Variants in PHEX observed in about 807,000 individuals in gnomAD.
The protein encoded by PHEX is phosphate regulating endopeptidase X-linked, also known as phosphate-regulating neutral endopeptidase PHEX.
Under a neutral mutation model 68.0 loss-of-function variants are expected in PHEX, and 16 were observed. That is an observed-to-expected ratio of 0.24 (90% CI 0.16 to 0.36). PHEX has a LOEUF of 0.36. Among genes scored for constraint, PHEX ranks in the 10% least tolerant of loss-of-function variants. The pLI is 1.00. For synonymous variants in PHEX, 208 were observed against 205.1 expected (o/e 1.01, Z -0.12); for missense variants, 480 against 575.5 (o/e 0.83, Z 1.70).
chrX:22,232,596 CTTTTTTTTTTT>C lies in PHEX; in HGVS notation c.2070+5005_2070+5015del, dbSNP rs745474280. Reference sequence around the variant, plus strand: ...TCAGAGATTAGGATTGCCACTTCTGCTTTTTTTTTTTTTTTTTTTTTTTTTTTTTTGCTTTC... The same window carrying C: ...TCAGAGATTAGGATTGCCACTTCTGCTTTTTTTTTTTTTTTTTTTGCTTTC... On this transcript the variant is annotated intron_variant, in intron 20 of 21. Transcript: ENST00000379374. Among the ~76,000 whole-genome samples the C allele has an allele frequency of 4.8e-3, 89 of 18,545 alleles. 1 individual carries two copies. Among genetic ancestry groups the C allele is most frequent in the East Asian group, 7.3e-3 (4 of 550 alleles). 16.1% of individuals were successfully genotyped at this position (18,545 alleles called of 115,157 possible). A position where few individuals can be genotyped will look rare whatever the true frequency, so the allele number is the denominator to read the frequency against.
intron 14 of PHEX, among the ~76,000 whole-genome samples, chrX:22,187,035 T>C (rs1420089881): frequency 8.9e-6 from 1 of 112,104 alleles, no homozygotes; most frequent in African/African-American, 3.2e-5. Flanking sequence ...AAATGTTGGG[T>C]TCTTTGGATA....
At chrX:22,137,731 G>A (rs1316412490) in intron 12 of PHEX, among the ~76,000 whole-genome samples, 1 of 111,487 alleles carries the variant, frequency 9.0e-6, no homozygotes, top group Non-Finnish European at 1.9e-5. Flanking sequence ...AGTGCCTTGT[G>A]TTTTACCTGG....
chrX:22,183,078 AT>A (rs1209087992), intron 14 of PHEX, among the ~76,000 whole-genome samples: 23 of 107,579 alleles, frequency 2.1e-4, no homozygotes, highest in African/African-American at 5.0e-4. Flanking sequence ...ATGGATTACA[AT>A]TTTTTTTTTC....
intron 15 of PHEX, among the ~76,000 whole-genome samples, chrX:22,197,260 T>C (rs1934396836): frequency 9.0e-6 from 1 of 111,091 alleles, no homozygotes; most frequent in Non-Finnish European, 1.9e-5. Context: ...TTCAAGTGAA[T>C]TTTCAAGGCC....
At chrX:22,069,774 T>C (rs1377701999) in intron 3 of PHEX, among the ~76,000 whole-genome samples, 1 of 111,890 alleles carries the variant, frequency 8.9e-6, no homozygotes, top group Non-Finnish European at 1.9e-5. Flanking sequence ...GTTAATCCCA[T>C]GCTTGACTGG....
At chrX:22,047,817 G>A (rs1322526142) in intron 3 of PHEX, among the ~76,000 whole-genome samples, 1 of 111,955 alleles carries the variant, frequency 8.9e-6, no homozygotes, top group Non-Finnish European at 1.9e-5. Flanking sequence ...AGTTGGAAAT[G>A]TCTGTTATTG....
intron 9 of PHEX, among the ~76,000 whole-genome samples, chrX:22,104,368 G>C (rs1168581732): frequency 9.1e-6 from 1 of 110,087 alleles, no homozygotes; most frequent in Non-Finnish European, 1.9e-5. Context: ...AGTCCAAGGG[G>C]GTAGGTGGCC....
chrX:22,208,250 G>T (rs1391558757), intron 15 of PHEX, among the ~76,000 whole-genome samples: 1 of 111,184 alleles, frequency 9.0e-6, no homozygotes, highest in African/African-American at 3.3e-5. Context: ...AGACTTTTAA[G>T]GAATTTACAT....
At chrX:22,216,510 TATTTATTTATTTA>T (rs1369071680) in intron 16 of PHEX, among the ~76,000 whole-genome samples, 10 of 106,881 alleles carry the variant, frequency 9.4e-5, no homozygotes, top group African/African-American at 3.4e-4. Context: ...TTTATTTATT[TATTTATTTATTTA>T]TTTATTTATT....
At chrX:22,228,429 C>G (rs1436910363) in intron 20 of PHEX, among the ~76,000 whole-genome samples, 1 of 112,053 alleles carries the variant, frequency 8.9e-6, no homozygotes. Context: ...TAAGCTCATT[C>G]TCACACGAGT....
chrX:22,168,923 T>C (rs1933429425), intron 13 of PHEX, among the ~76,000 whole-genome samples: 1 of 111,884 alleles, frequency 8.9e-6, no homozygotes, highest in Non-Finnish European at 1.9e-5. Flanking sequence ...AATTCTTTTT[T>C]ATTTCAATAT....
intron 15 of PHEX, among the ~76,000 whole-genome samples, chrX:22,210,751 C>G (rs1934894718): frequency 9.0e-6 from 1 of 111,153 alleles, no homozygotes; most frequent in Admixed American, 9.7e-5. Flanking sequence ...TTATGTGAAA[C>G]TGACAGAGAA....
chrX:22,128,905 A>T (rs931525212), intron 11 of PHEX, among the ~76,000 whole-genome samples: 1 of 104,429 alleles, frequency 9.6e-6, no homozygotes, highest in Non-Finnish European at 2.0e-5. Flanking sequence ...TAAACTCTAT[A>T]TATACTATGT....
intron 11 of PHEX, among the ~76,000 whole-genome samples, chrX:22,130,368 C>T (rs112192813): frequency 0.016 from 1,726 of 108,894 alleles, 31 homozygotes; most frequent in South Asian, 0.065. Context: ...GGTGAAAGCC[C>T]GTCTCTACTA....
chrX:22,050,589 A>AC (rs1284816542), intron 3 of PHEX, among the ~76,000 whole-genome samples: 11 of 109,465 alleles, frequency 1.0e-4, no homozygotes, highest in African/African-American at 3.7e-4. Context: ...AAAAAAAAAA[A>AC]AAAACAGAAC....
intron 21 of PHEX, among the ~76,000 whole-genome samples, chrX:22,246,421 C>T (rs1332029320): frequency 9.0e-6 from 1 of 111,542 alleles, no homozygotes; most frequent in Non-Finnish European, 1.9e-5. Context: ...AAGATCTTGC[C>T]TTAGAAATGC....
intron 11 of PHEX, among the ~76,000 whole-genome samples, chrX:22,122,777 G>A (rs1031320875): frequency 1.8e-5 from 2 of 110,700 alleles, no homozygotes; most frequent in Admixed American, 1.9e-4. Context: ...GAATGACTCG[G>A]CTCTGCTTCA....
chrX:22,241,158 A>G lies in PHEX; in HGVS notation c.2071-4175A>G, dbSNP rs190210574. Among the ~76,000 whole-genome samples the G allele has an allele frequency of 3.5e-3, 388 of 112,236 alleles. 1 individual carries two copies. Among genetic ancestry groups the G allele is most frequent in the African/African-American group, 0.012 (361 of 30,884 alleles). On this transcript the variant is annotated intron_variant, in intron 20 of 21. Transcript: ENST00000379374. ...TCCCCAACTACATGGAAACTGAACA[A>G]CCTGCACCTGAATGACTATTAGGTA...
At chrX:22,212,866 A>C (rs1195059055) in intron 15 of PHEX, 38 bp from the exon 16 acceptor site, 13 of 1,058,477 alleles carry the variant, frequency 1.2e-5, no homozygotes, top group Non-Finnish European at 1.7e-5. Flanking sequence ...CATTGAATCA[A>C]TCTCTCTATA....
Sources: allele counts gnomAD v4.1 joint callset (sites outside exome capture counted in the v4.1 genomes callset), GRCh38; gene constraint gnomAD v4.1.1; transcripts MANE v1.5; gene names NCBI Gene and HGNC (gene_info 2026-07-23, HGNC 2026-07-21).